CYP2J2: variants seen among roughly 807,000 people sequenced by gnomAD.
CYP2J2 encodes the protein cytochrome P450 2J2.
CYP2J2 carries 41 observed loss-of-function variants against 48.8 expected under a neutral mutation model. That is an observed-to-expected ratio of 0.84 (90% CI 0.66 to 1.09). The LOEUF (loss-of-function observed/expected upper bound fraction) is 1.09, where lower values mean the gene tolerates loss of function less well. Among genes scored for constraint, CYP2J2 ranks in the 50% least tolerant of loss-of-function variants. The pLI is 0.00. For synonymous variants in CYP2J2, 221 were observed against 227.1 expected, an observed-to-expected ratio of 0.97 and a Z score of 0.24; for missense variants, 644 against 617.3, an observed-to-expected ratio of 1.04 and a Z score of -0.46.
At chr1:59,897,397 C>G (rs1286787595) in intron 8 of CYP2J2, among the ~76,000 whole-genome samples, 1 of 152,212 alleles carries the variant, frequency 6.6e-6, no homozygotes, top group African/African-American at 2.4e-5. Context: ...CATGAAATAA[C>G]TTCTCTCCTA....
the CYP2J2 span, among the ~76,000 whole-genome samples, chr1:59,951,337 G>T: frequency 2.0e-5 from 3 of 152,076 alleles, no homozygotes. Flanking sequence ...TCAAGGCCCA[G>T]AAAAATGTCA....
the CYP2J2 span, among the ~76,000 whole-genome samples, chr1:59,939,346 C>G: frequency 2.0e-5 from 3 of 152,228 alleles, no homozygotes; most frequent in South Asian, 6.2e-4. Context: ...AGAAGTAATG[C>G]CTTGATGGTC....
the CYP2J2 span, among the ~76,000 whole-genome samples, chr1:59,933,838 T>C: frequency 3.3e-5 from 5 of 152,290 alleles, no homozygotes; most frequent in African/African-American, 1.2e-4. Flanking sequence ...ATGTCATCCA[T>C]ATCAAAATCC....
At position 59,909,956 on chromosome 1, in the gene CYP2J2, T is replaced by C. The variant is rs958414779; in HGVS notation, c.689A>G (p.Tyr230Cys). The part of the protein sequence containing the change: ...YLEASKTCQL[Y>C]NVFPWIMKFL... ...TTTCATTATCCATGGAAAGACATTGTAGAGCTAATTGAGAAAAACAAAACA... is the reference window on the plus strand; with the variant it reads ...TTTCATTATCCATGGAAAGACATTGCAGAGCTAATTGAGAAAAACAAAACA... Residue 230 changes from tyrosine to cysteine, a missense_variant, in exon 5 of 9, where the codon TAC (tyrosine) becomes TGC (cysteine). Coordinates refer to ENST00000371204, the MANE Select transcript of CYP2J2 (RefSeq NM_000775.4). The C allele has an allele frequency of 6.2e-7, 1 of 1,601,484 alleles. No homozygotes were observed. The highest frequency in any genetic ancestry group is 8.5e-7 in the Non-Finnish European group (1 of 1,176,268).
intron 7 of CYP2J2, chr1:59,904,467 T>C (rs1469201983): frequency 1.9e-5 from 3 of 160,302 alleles, no homozygotes; most frequent in African/African-American, 7.2e-5. Flanking sequence ...CCCAGGTTCA[T>C]GAAGCAGAAT....
At chr1:59,966,943 CAAGTTCTTTAGATTAAGGAAAT>C in the CYP2J2 span, among the ~76,000 whole-genome samples, 430 of 152,310 alleles carry the variant, frequency 2.8e-3, 6 homozygotes, top group Non-Finnish European at 1.2e-3. Context: ...TTGAAAGGCA[CAAGTTCTTTAGATTAAGGAAAT>C]CCAAGCTCTT....
chr1:59,912,755 G>A (rs1644428910), intron 2 of CYP2J2: 1 of 162,818 alleles, frequency 6.1e-6, no homozygotes, highest in African/African-American at 2.4e-5. Flanking sequence ...TTTATGTTAT[G>A]CTAAACACTA....
the CYP2J2 span, among the ~76,000 whole-genome samples, chr1:59,950,841 T>A: frequency 6.6e-6 from 1 of 152,188 alleles, no homozygotes; most frequent in Non-Finnish European, 1.5e-5. Context: ...ATGTCCCTTC[T>A]GTCCGCATGG....
the CYP2J2 span, among the ~76,000 whole-genome samples, chr1:59,937,842 C>T: frequency 6.6e-6 from 1 of 151,982 alleles, no homozygotes; most frequent in Non-Finnish European, 1.5e-5. Flanking sequence ...TTGATCAACT[C>T]TGCTATTAAA....
the CYP2J2 span, among the ~76,000 whole-genome samples, chr1:59,940,072 C>T: frequency 2.6e-5 from 4 of 152,296 alleles, no homozygotes; most frequent in Admixed American, 1.3e-4. Context: ...TGCTCTACCC[C>T]CTGCGGCAGA....
intron 8 of CYP2J2, among the ~76,000 whole-genome samples, chr1:59,900,620 A>C (rs1197543749): frequency 2.6e-5 from 4 of 152,196 alleles, no homozygotes; most frequent in African/African-American, 7.2e-5. Context: ...GTGCAATAAG[A>C]GTGAAACTTC....
chr1:59,935,021 T>TATACACAC, the CYP2J2 span, among the ~76,000 whole-genome samples: 10 of 48,142 alleles, frequency 2.1e-4, no homozygotes, highest in Admixed American at 3.8e-4. Flanking sequence ...TATACATATA[T>TATACACAC]ATATATATAT....
intron 1 of CYP2J2, among the ~76,000 whole-genome samples, chr1:59,917,166 C>T (rs1644473791): frequency 6.6e-6 from 1 of 152,118 alleles, no homozygotes; most frequent in Admixed American, 6.5e-5. Flanking sequence ...TCTTAAGGTT[C>T]TGTGAGGAAG....
chr1:59,898,833 A>T (rs1644292268), intron 8 of CYP2J2, among the ~76,000 whole-genome samples: 1 of 152,240 alleles, frequency 6.6e-6, no homozygotes, highest in East Asian at 1.9e-4. Context: ...TAATGATTAA[A>T]TTAGACAATT....
intron 7 of CYP2J2, among the ~76,000 whole-genome samples, chr1:59,903,905 TG>T (rs1225407275): frequency 7.2e-5 from 11 of 152,286 alleles, no homozygotes; most frequent in African/African-American, 2.6e-4. Flanking sequence ...ATCCATAACA[TG>T]GAAATAACAA....
At chr1:59,942,646 G>A in the CYP2J2 span, among the ~76,000 whole-genome samples, 1 of 152,060 alleles carries the variant, frequency 6.6e-6, no homozygotes, top group Non-Finnish European at 1.5e-5. Flanking sequence ...GTAGGTGTGA[G>A]AGCAGAAGTA....
At chr1:59,935,041 T>TAC in the CYP2J2 span, among the ~76,000 whole-genome samples, 2 of 103,100 alleles carry the variant, frequency 1.9e-5, no homozygotes, top group Non-Finnish European at 4.1e-5. Flanking sequence ...TATATATATA[T>TAC]ATATATATAT....
chr1:59,909,718 T>C, intron 5 of CYP2J2, 66 bp downstream of exon 5: 1 of 1,224,602 alleles, frequency 8.2e-7, no homozygotes, highest in Non-Finnish European at 1.1e-6. Context: ...ACAGCAGCAG[T>C]TGGAAACTAA....
chr1:59,894,133 G>A (rs1448120961), intron 8 of CYP2J2, among the ~76,000 whole-genome samples: 1 of 152,190 alleles, frequency 6.6e-6, no homozygotes, highest in Non-Finnish European at 1.5e-5. Context: ...GAAAGGGGAT[G>A]TTTAGCCTAA....
Sources: allele counts gnomAD v4.1 joint callset (sites outside exome capture counted in the v4.1 genomes callset), GRCh38; gene constraint gnomAD v4.1.1; transcripts MANE v1.5; gene names NCBI Gene and HGNC (gene_info 2026-07-23, HGNC 2026-07-21).